SLC1A2: variants seen among roughly 807,000 people sequenced by gnomAD.
SLC1A2 encodes solute carrier family 1 member 2, also known as excitatory amino acid transporter 2.
In SLC1A2, 15 loss-of-function variants were observed where a neutral mutation model predicts 48.8. The ratio of observed to expected loss-of-function variants is 0.31; its 90% CI spans 0.21 to 0.47. SLC1A2 has a LOEUF of 0.47. Among genes scored for constraint, SLC1A2 ranks in the 20% least tolerant of loss-of-function variants. SLC1A2 has a pLI of 0.99. For synonymous variants in SLC1A2, 279 were observed against 272.6 expected (o/e 1.02, Z -0.23); for missense variants, 502 against 730.5 (o/e 0.69, Z 3.61).
intron 10 of SLC1A2, chr11:35,261,870 C>T (rs1458149307): frequency 2.5e-6 from 1 of 396,584 alleles, no homozygotes; most frequent in Non-Finnish European, 4.4e-6. Flanking sequence ...ATGCTAGGAA[C>T]AGAAAACCAA....
intron 1 of SLC1A2, among the ~76,000 whole-genome samples, chr11:35,375,069 C>A (rs1854182016): frequency 6.6e-6 from 1 of 152,156 alleles, no homozygotes; most frequent in African/African-American, 2.4e-5. Context: ...CCGCAGTTTT[C>A]AAGAACCTAT....
intron 5 of SLC1A2, among the ~76,000 whole-genome samples, chr11:35,302,729 C>T (rs1038943277): frequency 2.6e-5 from 4 of 151,838 alleles, no homozygotes; most frequent in Non-Finnish European, 5.9e-5. Flanking sequence ...TTCTCTCCCT[C>T]GGTACCTCAC....
chr11:35,325,299 T>C (rs1852203475), intron 1 of SLC1A2, among the ~76,000 whole-genome samples: 1 of 152,220 alleles, frequency 6.6e-6, no homozygotes, highest in South Asian at 2.1e-4. Context: ...CAGGAAGCCT[T>C]TGATGACTCC....
intron 1 of SLC1A2, among the ~76,000 whole-genome samples, chr11:35,334,814 ATTTTGTTTTGTTTTG>A (rs10611656): frequency 0.31 from 44,834 of 146,874 alleles, 7,054 homozygotes; most frequent in Middle Eastern, 0.41. Flanking sequence ...CTGGAGAGCA[ATTTTGTTTTGTTTTG>A]TTTTGTTTTG....
At chr11:35,305,663 T>G (rs1465637218) in intron 5 of SLC1A2, among the ~76,000 whole-genome samples, 1 of 152,252 alleles carries the variant, frequency 6.6e-6, no homozygotes, top group East Asian at 1.9e-4. Flanking sequence ...GACTAAGGGC[T>G]GTGGTGGTCC....
chr11:35,379,851 C>T (rs1462207153), intron 1 of SLC1A2, among the ~76,000 whole-genome samples: 2 of 152,230 alleles, frequency 1.3e-5, no homozygotes, highest in Non-Finnish European at 2.9e-5. Context: ...ACAGCCAAAA[C>T]AAATGTCATC....
intron 1 of SLC1A2, among the ~76,000 whole-genome samples, chr11:35,411,918 A>G (rs914287648): frequency 6.6e-6 from 1 of 152,134 alleles, no homozygotes; most frequent in Non-Finnish European, 1.5e-5. Context: ...GTCCTTCTTA[A>G]GGCATTGCCT....
Position 35,292,174 on chromosome 11 carries a change from T to A in SLC1A2, c.1091+113A>T. On this transcript the variant is annotated intron_variant, in intron 7 of 10. Coordinates refer to ENST00000278379, the MANE Select transcript of SLC1A2 (RefSeq NM_004171.4). ...CGCCTTTTCCAAAAGATCTTAGTAA[T>A]GTGTGCCAAGTGTTCTTATTGAACT... The A allele has an allele frequency of 1.5e-5, 11 of 757,514 alleles. No homozygotes were observed. The South Asian group carries it at 1.9e-4, about 13-fold the overall frequency. 46.9% of individuals were successfully genotyped at this position (757,514 alleles called of 1,614,324 possible). A position where few individuals can be genotyped will look rare whatever the true frequency, so the allele number is the denominator to read the frequency against.
chr11:35,352,971 A>T (rs891319285), intron 1 of SLC1A2, among the ~76,000 whole-genome samples: 1 of 152,224 alleles, frequency 6.6e-6, no homozygotes, highest in African/African-American at 2.4e-5. Flanking sequence ...AAAAGCAATG[A>T]CAATAATAGC....
intron 1 of SLC1A2, chr11:35,404,214 G>A (rs1044773573): frequency 6.6e-6 from 1 of 152,116 alleles, no homozygotes; most frequent in African/African-American, 2.4e-5. Flanking sequence ...TCAATCCCTT[G>A]AGTGTCTAGG....
chr11:35,300,516 T>C (rs1175468869), intron 6 of SLC1A2, among the ~76,000 whole-genome samples: 1 of 152,208 alleles, frequency 6.6e-6, no homozygotes, highest in Non-Finnish European at 1.5e-5. Flanking sequence ...CTTTCTACCA[T>C]GTGAGAGCAC....
chr11:35,327,234 C>T (rs1468251206), intron 1 of SLC1A2, among the ~76,000 whole-genome samples: 2 of 152,134 alleles, frequency 1.3e-5, no homozygotes, highest in East Asian at 3.9e-4. Flanking sequence ...GCTTTTTTGT[C>T]TGAGTGCTAA....
intron 6 of SLC1A2, among the ~76,000 whole-genome samples, chr11:35,300,738 G>T (rs1024832072): frequency 1.9e-4 from 29 of 152,320 alleles, no homozygotes; most frequent in Non-Finnish European, 3.4e-4. Flanking sequence ...TTTTCATGCT[G>T]AGCGAGGTGG....
intron 5 of SLC1A2, among the ~76,000 whole-genome samples, chr11:35,305,658 A>C (rs946568589): frequency 2.0e-5 from 3 of 152,216 alleles, no homozygotes; most frequent in African/African-American, 7.2e-5. Context: ...TTGCAGACTA[A>C]GGGCTGTGGT....
chr11:35,281,607 G>T (rs1285268007), intron 8 of SLC1A2, among the ~76,000 whole-genome samples: 1 of 152,180 alleles, frequency 6.6e-6, no homozygotes, highest in Admixed American at 6.5e-5. Flanking sequence ...TCAGAAAGGG[G>T]ATGCCAAGAA....
chr11:35,353,094 A>G (rs1285322797), intron 1 of SLC1A2, among the ~76,000 whole-genome samples: 3 of 152,174 alleles, frequency 2.0e-5, no homozygotes, highest in African/African-American at 7.2e-5. Context: ...ATTATAGTCA[A>G]TATCAACATT....
intron 1 of SLC1A2, chr11:35,418,500 C>T (rs1452751038): frequency 6.1e-6 from 1 of 163,054 alleles, no homozygotes. Context: ...AGGCCGCGCG[C>T]GCTGGTCCTT....
chr11:35,359,170 G>C (rs1238642405), intron 1 of SLC1A2, among the ~76,000 whole-genome samples: 1 of 152,140 alleles, frequency 6.6e-6, no homozygotes, highest in Non-Finnish European at 1.5e-5. Context: ...ACACAACAGG[G>C]AAATGGCAGA....
At chr11:35,311,897 G>GAGAGAGA (rs1565233384) in intron 4 of SLC1A2, among the ~76,000 whole-genome samples, 10 of 25,722 alleles carry the variant, frequency 3.9e-4, no homozygotes, top group East Asian at 1.9e-3. Context: ...AGAGAGGGAG[G>GAGAGAGA]GAGAGAGAGA....
Sources: allele counts gnomAD v4.1 joint callset (sites outside exome capture counted in the v4.1 genomes callset), GRCh38; gene constraint gnomAD v4.1.1; transcripts MANE v1.5; gene names NCBI Gene and HGNC (gene_info 2026-07-23, HGNC 2026-07-21).